The following FAM135B variants were observed in gnomAD, a reference collection of about 807,000 sequenced individuals.
The protein encoded by FAM135B is family with sequence similarity 135 member B, also known as protein FAM135B.
In FAM135B, 43 loss-of-function variants were observed where a neutral mutation model predicts 127.7. The observed-to-expected ratio is 0.34, with a 90% confidence interval of 0.26 to 0.43. FAM135B has a LOEUF of 0.43. FAM135B is among the 20% of genes least tolerant of loss of function. The pLI, the probability that FAM135B is intolerant of heterozygous loss-of-function variation, is 1.00. For synonymous variants in FAM135B, 670 were observed against 665.1 expected, an observed-to-expected ratio of 1.01 and a Z score of -0.11; for missense variants, 1,558 against 1,725.6, an observed-to-expected ratio of 0.90 and a Z score of 1.72.
Position 138,215,734 on chromosome 8 carries a change from A to T in FAM135B, c.670-18065T>A, listed in dbSNP as rs994686758. On this transcript the variant is annotated intron_variant, in intron 7 of 19. Coordinates refer to ENST00000395297, the MANE Select transcript of FAM135B (RefSeq NM_015912.4). ...TCAATAATAATTGTCAGAAAGTACA[A>T]CTAAGGCACTTTGGGAAGGTTGCAT... 3.3e-5 allele frequency among the ~76,000 whole-genome samples: 5 copies of T among 152,316 alleles called. No individual in the cohort carries two copies. The South Asian group carries it at 6.2e-4, about 19-fold the overall frequency.
At chr8:138,266,777 T>TACAC (rs754336924) in intron 3 of FAM135B, among the ~76,000 whole-genome samples, 3 of 7,452 alleles carry the variant, frequency 4.0e-4, no homozygotes, top group East Asian at 3.1e-3. Flanking sequence ...TACATATATA[T>TACAC]ACACACACAC....
At chr8:138,387,016 G>C (rs1450524936) in intron 1 of FAM135B, among the ~76,000 whole-genome samples, 1 of 152,198 alleles carries the variant, frequency 6.6e-6, no homozygotes, top group Non-Finnish European at 1.5e-5. Context: ...GAGGGACACA[G>C]GGACTGCCCC....
intron 10 of FAM135B, among the ~76,000 whole-genome samples, 160 bp from the exon 11 acceptor site, chr8:138,177,580 C>T (rs1814595478): frequency 6.6e-6 from 1 of 152,114 alleles, no homozygotes; most frequent in Non-Finnish European, 1.5e-5. Context: ...CTTCACATTC[C>T]TCCAAACTGA....
intron 9 of FAM135B, among the ~76,000 whole-genome samples, chr8:138,182,099 A>C (rs1229073382): frequency 6.6e-6 from 1 of 152,202 alleles, no homozygotes; most frequent in Non-Finnish European, 1.5e-5. Context: ...CTGCCACCAC[A>C]GTGGCACCGG....
intron 4 of FAM135B, among the ~76,000 whole-genome samples, chr8:138,259,953 C>T (rs895592120): frequency 2.0e-5 from 3 of 152,146 alleles, no homozygotes; most frequent in Non-Finnish European, 2.9e-5. Flanking sequence ...TGAGAGTTTG[C>T]GTAGCTTCAG....
chr8:138,190,975 C>G lies in FAM135B; in HGVS notation c.873+4283G>C, dbSNP rs559952721. On this transcript the variant is annotated intron_variant, in intron 9 of 19. Coordinates refer to ENST00000395297, the MANE Select transcript of FAM135B (RefSeq NM_015912.4). ...TATGTCTCCCTAAACTGCAAAAAAC[C>G]AAGCTATAGCCTGACCACCTTGGGC... is the stretch of plus-strand genomic sequence containing the variant. Among the ~76,000 whole-genome samples, 6 of 152,280 alleles carry G rather than the reference C, an allele frequency of 3.9e-5. No individual in the cohort carries two copies. The East Asian group carries it at 1.2e-3, about 29-fold the overall frequency.
chr8:138,169,238 G>T (rs1273012075), intron 11 of FAM135B, among the ~76,000 whole-genome samples: 1 of 151,762 alleles, frequency 6.6e-6, no homozygotes, highest in Non-Finnish European at 1.5e-5. Flanking sequence ...CCACCACAAG[G>T]GAAGGGTTAT....
At chr8:138,313,427 T>C (rs1445309500) in intron 2 of FAM135B, among the ~76,000 whole-genome samples, 1 of 151,722 alleles carries the variant, frequency 6.6e-6, no homozygotes, top group Non-Finnish European at 1.5e-5. Context: ...CCACCGTGCC[T>C]GGCCTAAAAC....
At chr8:138,347,856 G>A (rs770627323) in intron 2 of FAM135B, among the ~76,000 whole-genome samples, 2 of 152,100 alleles carry the variant, frequency 1.3e-5, no homozygotes, top group Non-Finnish European at 2.9e-5. Flanking sequence ...ATGCTTCTGT[G>A]TCTTGGTTCC....
chr8:138,249,901 A>C, intron 6 of FAM135B, among the ~76,000 whole-genome samples: 1 of 152,186 alleles, frequency 6.6e-6, no homozygotes, highest in East Asian at 1.9e-4. Flanking sequence ...TCATGCACCT[A>C]TCTGGCCATG....
At chr8:138,190,568 C>T (rs773247987) in intron 9 of FAM135B, among the ~76,000 whole-genome samples, 12 of 152,166 alleles carry the variant, frequency 7.9e-5, no homozygotes, top group South Asian at 2.1e-4. Context: ...CGTCTTTAAG[C>T]GAAAATCTAC....
chr8:138,381,815 A>G (rs1831873970), intron 1 of FAM135B, among the ~76,000 whole-genome samples: 1 of 152,068 alleles, frequency 6.6e-6, no homozygotes, highest in African/African-American at 2.4e-5. Flanking sequence ...TGAGGAGAGG[A>G]GGGAGGTGTG....
intron 2 of FAM135B, among the ~76,000 whole-genome samples, chr8:138,355,693 G>A (rs1187579072): frequency 6.6e-6 from 1 of 152,112 alleles, no homozygotes; most frequent in African/African-American, 2.4e-5. Flanking sequence ...GCCAAGCAGT[G>A]AGAAAGGGAA....
chr8:138,249,159 C>T (rs1236815655), intron 6 of FAM135B, among the ~76,000 whole-genome samples: 2 of 152,136 alleles, frequency 1.3e-5, no homozygotes, highest in African/African-American at 4.8e-5. Context: ...ACAGATCATG[C>T]CCTTAACTCT....
intron 2 of FAM135B, among the ~76,000 whole-genome samples, chr8:138,324,273 G>A (rs990357245): frequency 2.0e-5 from 3 of 152,128 alleles, no homozygotes; most frequent in African/African-American, 7.2e-5. Flanking sequence ...TCAAACTCCT[G>A]CAGTCACATG....
chr8:138,447,499 T>C (rs1421677114), intron 1 of FAM135B, among the ~76,000 whole-genome samples: 5 of 152,176 alleles, frequency 3.3e-5, no homozygotes, highest in African/African-American at 1.2e-4. Context: ...TTCATGTCCT[T>C]CGTAGGGACA....
chr8:138,289,918 C>T (rs1824976523), intron 3 of FAM135B, among the ~76,000 whole-genome samples: 1 of 152,192 alleles, frequency 6.6e-6, no homozygotes, highest in South Asian at 2.1e-4. Flanking sequence ...ATCAGAGTTG[C>T]CTGTGACATG....
intron 3 of FAM135B, among the ~76,000 whole-genome samples, chr8:138,283,112 G>T (rs1368356866): frequency 6.6e-6 from 1 of 152,094 alleles, no homozygotes; most frequent in Non-Finnish European, 1.5e-5. Flanking sequence ...CATTGGCCAG[G>T]ATGGTCTCAC....
At chr8:138,443,625 A>AG (rs1370434687) in intron 1 of FAM135B, among the ~76,000 whole-genome samples, 2 of 152,202 alleles carry the variant, frequency 1.3e-5, no homozygotes, top group Admixed American at 1.3e-4. Context: ...GCACTGACTG[A>AG]GGGACAAGGG....
Sources: allele counts gnomAD v4.1 joint callset (sites outside exome capture counted in the v4.1 genomes callset), GRCh38; gene constraint gnomAD v4.1.1; transcripts MANE v1.5; gene names NCBI Gene and HGNC (gene_info 2026-07-23, HGNC 2026-07-21).